ACAD8: variants seen among roughly 807,000 people sequenced by gnomAD.
ACAD8 encodes isobutyryl-CoA dehydrogenase, mitochondrial.
A neutral mutation model predicts 53.1 loss-of-function variants in ACAD8; 47 were observed. The observed-to-expected ratio is 0.89, with a 90% CI of 0.70 to 1.13. ACAD8 has a LOEUF of 1.13. Among genes scored for constraint, ACAD8 ranks in the 50% most tolerant of loss-of-function variants. The pLI is 0.00. For missense variants in ACAD8, 494 were observed against 535.0 expected (o/e 0.92, Z 0.76); for synonymous variants, 198 against 201.3 (o/e 0.98, Z 0.14).
intron 10 of ACAD8, chr11:134,262,897 G>A: frequency 7.4e-7 from 1 of 1,344,454 alleles, no homozygotes; most frequent in South Asian, 1.2e-5. Flanking sequence ...TAATGGATGA[G>A]AAAGCATGTT....
At chr11:134,256,083 T>G (rs1361700335) in intron 1 of ACAD8, among the ~76,000 whole-genome samples, 1 of 152,200 alleles carries the variant, frequency 6.6e-6, no homozygotes, top group Non-Finnish European at 1.5e-5. Context: ...ATTTTTGTAT[T>G]TTTAGTAGAG....
intron 1 of ACAD8, among the ~76,000 whole-genome samples, chr11:134,255,126 G>A (rs117017916): frequency 0.012 from 1,848 of 152,238 alleles, 27 homozygotes; most frequent in Non-Finnish European, 0.021. Context: ...CATCCTTTGT[G>A]TGAATGGATC....
chr11:134,259,934 G>T, intron 6 of ACAD8, 189 bp downstream of exon 6: 1 of 1,459,354 alleles, frequency 6.9e-7, no homozygotes. Context: ...TAGGCCTCTG[G>T]GGAAAGTGAC....
chr11:134,253,692 T>C lies in ACAD8; in HGVS notation c.92T>C (p.Leu31Ser). The C allele has an allele frequency of 1.3e-6, 2 of 1,599,336 alleles. No homozygotes were observed. The highest frequency in any genetic ancestry group is 1.7e-6 in the Non-Finnish European group (2 of 1,173,962). Reference protein sequence around the residue: ...RVLVQTGHRSLTSCIDPSMGL... With the variant: ...RVLVQTGHRSSTSCIDPSMGL... ...CTCGTCCAGACCGGCCACCGGAGCT[T>C]GACCTCCTGCATCGACCGTAAGGAT... is the stretch of plus-strand genomic sequence containing the variant. The change falls in exon 1 of 11, where the codon TTG becomes TCG. Residue 31 changes from leucine (L) to serine (S), a missense_variant. Transcript: ENST00000281182.
intron 10 of ACAD8, chr11:134,262,910 A>C: frequency 1.5e-6 from 2 of 1,326,576 alleles, no homozygotes; most frequent in Non-Finnish European, 2.0e-6. Context: ...AGCATGTTGA[A>C]AACCACAGCC....
At chr11:134,255,130 A>C (rs1375965512) in intron 1 of ACAD8, among the ~76,000 whole-genome samples, 2 of 152,100 alleles carry the variant, frequency 1.3e-5, no homozygotes, top group African/African-American at 4.8e-5. Flanking sequence ...CTTTGTGTGA[A>C]TGGATCTTAT....
chr11:134,256,451 A>T (rs1478813995), intron 1 of ACAD8, 97 bp from the exon 2 acceptor site: 3 of 903,134 alleles, frequency 3.3e-6, no homozygotes, highest in Non-Finnish European at 3.7e-6. Context: ...ATACTACAGT[A>T]GATCCACTTT....
At chr11:134,264,817 C>T in intron 10 of ACAD8, 91 bp from the exon 11 acceptor site, 1 of 1,160,466 alleles carries the variant, frequency 8.6e-7, no homozygotes. Flanking sequence ...TGCAGCTACT[C>T]TGAACTAGGC....
intron 1 of ACAD8, among the ~76,000 whole-genome samples, chr11:134,255,828 T>C (rs75378785): frequency 0.043 from 6,559 of 152,322 alleles, 468 homozygotes; most frequent in African/African-American, 0.15. Flanking sequence ...TGTTCTTCTG[T>C]GAGGACTGCA....
chr11:134,253,770 C>G, intron 1 of ACAD8, 61 bp downstream of exon 1: 1 of 1,474,368 alleles, frequency 6.8e-7, no homozygotes, highest in Non-Finnish European at 9.2e-7. Flanking sequence ...CATATGTCCG[C>G]GAGGGGCTGC....
At chr11:134,258,102 G>A (rs976261987) in intron 3 of ACAD8, 18 of 279,374 alleles carry the variant, frequency 6.4e-5, no homozygotes, top group South Asian at 4.4e-4. Context: ...TGCCTGCCTC[G>A]GCCTCCCATA....
In ACAD8 at chr11:134,258,504, G is replaced by T; in HGVS notation, c.381-11G>T. On this transcript the variant is annotated splice_polypyrimidine_tract_variant and intron_variant, in intron 3 of 10. Transcript: ENST00000281182. ...TCTGTCATTGTCTTTTCTTCTTGGT[G>T]TACCTATCAGCATGTGTGCCTGGAT... 1 of 1,584,540 alleles carries T rather than the reference G, an allele frequency of 6.3e-7. No homozygotes were observed.
chr11:134,258,274 G>T, intron 3 of ACAD8: 1 of 569,924 alleles, frequency 1.8e-6, no homozygotes, highest in Non-Finnish European at 3.1e-6. Context: ...ACTAGAAGTA[G>T]TACAAACGTG....
chr11:134,263,146 T>C lies in ACAD8; in HGVS notation c.1195+524T>C, dbSNP rs914913242. 3.5e-5 allele frequency: 38 copies of C among 1,079,596 alleles called. No homozygotes were observed. In the Admixed American group the frequency reaches 1.1e-3, roughly 30 times the overall value. 66.9% of individuals were successfully genotyped at this position (1,079,596 alleles called of 1,614,324 possible). ...TCACAGACATTCTATCGAGGAAACA[T>C]GGAAGCCGTTGGGGTCGGGCTCGGA... is the stretch of plus-strand genomic sequence containing the variant. On this transcript the variant is annotated intron_variant, in intron 10 of 10. Coordinates refer to ENST00000281182, the MANE Select transcript of ACAD8 (RefSeq NM_014384.3).
chr11:134,261,656 G>A lies in ACAD8; in HGVS notation c.940-82G>A, dbSNP rs1445371343. 4 of 1,602,078 alleles carry A rather than the reference G, an allele frequency of 2.5e-6. No homozygotes were observed. The highest frequency in any genetic ancestry group is 2.2e-5 in the East Asian group (1 of 44,800). On this transcript the variant is annotated intron_variant, in intron 8 of 10. Transcript: ENST00000281182. This position sits in a 1 kb window ranked among gnomAD's most constrained non-coding sequence, Gnocchi z 4.2. ...TGGATCACTTAGAAAAGGCGCCTCCGAGATGTCTTACCGAGGCTCCTGCAC... is the reference window on the plus strand; with the variant it reads ...TGGATCACTTAGAAAAGGCGCCTCCAAGATGTCTTACCGAGGCTCCTGCAC...
rs121908419 is a variant in ACAD8 at position 134,262,556 on chromosome 11, G to A, written c.1129G>A (p.Gly377Ser). The A allele has an allele frequency of 1.3e-4, 216 of 1,613,928 alleles. No homozygotes were observed. Among genetic ancestry groups the A allele is most frequent in the Non-Finnish European group, 1.7e-4 (205 of 1,179,990 alleles). ...GGCCTTGCAGATGCACGGGGGCTAC[G>A]GCTACCTGAAGGATTACGCTGTTCA... The part of the protein sequence containing the change: ...NQALQMHGGY[G>S]YLKDYAVQQY... The change falls in exon 10 of 11, where the codon GGC becomes AGC. Residue 377 changes from glycine (G) to serine (S), a missense_variant. Gly to Ser is a moderately conservative substitution (Grantham distance 56). Transcript: ENST00000281182.
chr11:134,255,214 G>T (rs753439703), intron 1 of ACAD8, among the ~76,000 whole-genome samples: 1 of 152,132 alleles, frequency 6.6e-6, no homozygotes. Context: ...TCAACTCACC[G>T]CAACCTCTGC....
rs1196048455 is a variant in ACAD8, at chr11:134,257,111, G to A, written c.234G>A (p.Met78Ile). 5 of 1,614,186 alleles carry A rather than the reference G, an allele frequency of 3.1e-6. No individual in the cohort carries two copies. The South Asian group carries it at 4.4e-5, about 14-fold the overall frequency. Residue 78 changes from methionine (M) to isoleucine (I), a missense_variant, in exon 3 of 11, where the codon ATG (methionine) becomes ATA (isoleucine). Met to Ile is a conservative substitution (Grantham distance 10). Coordinates refer to ENST00000281182, the MANE Select transcript of ACAD8 (RefSeq NM_014384.3). ...DQKELFPVDV[M>I]RKAAQLGFGG... ...AGGAGCTGTTCCCAGTGGATGTGATGCGGAAGGCAGCCCAGCTAGGCTTCG... is the reference window on the plus strand; with the variant it reads ...AGGAGCTGTTCCCAGTGGATGTGATACGGAAGGCAGCCCAGCTAGGCTTCG...
chr11:134,260,358 A>C (rs890513819), intron 6 of ACAD8: 13 of 239,192 alleles, frequency 5.4e-5, no homozygotes, highest in Admixed American at 5.3e-4. Context: ...CAAAGCAGTC[A>C]TCTCTCTCTA....
Sources: gnomAD v4.1 joint callset for allele counts (sites outside exome capture counted in the v4.1 genomes callset) on GRCh38, gnomAD v4.1.1 for gene constraint, Gnocchi (gnomAD v3.1) non-coding constraint, MANE v1.5 for transcripts, NCBI Gene and HGNC (gene_info 2026-07-23, HGNC 2026-07-21) for gene names.